The following PAPPA variants were observed in gnomAD, a reference collection of about 807,000 sequenced individuals.
PAPPA encodes pappalysin-1.
A neutral mutation model predicts 164.0 loss-of-function variants in PAPPA; 60 were observed. The observed-to-expected ratio is 0.37, with a 90% confidence interval of 0.30 to 0.45. The LOEUF (loss-of-function observed/expected upper bound fraction) is 0.45, where lower values mean the gene tolerates loss of function less well. PAPPA is among the 20% of genes least tolerant of loss of function. The pLI, the probability that PAPPA is intolerant of heterozygous loss-of-function variation, is 1.00. For missense variants in PAPPA, 1,782 were observed against 2,087.3 expected, an observed-to-expected ratio of 0.85 and a Z score of 2.85; for synonymous variants, 875 against 814.1, an observed-to-expected ratio of 1.07 and a Z score of -1.27.
At position 116,173,882 on chromosome 9, in the gene PAPPA, CT is replaced by C. The variant is rs934261390; in HGVS notation, c.416-13269del. 1.6e-4 allele frequency among the ~76,000 whole-genome samples: 24 copies of C among 152,324 alleles called. 1 individual carries two copies. The South Asian group carries it at 3.3e-3, about 21-fold the overall frequency. On this transcript the variant is annotated intron_variant, in intron 1 of 21. Coordinates refer to ENST00000328252, the MANE Select transcript of PAPPA (RefSeq NM_002581.5). The stretch of plus-strand genomic sequence containing the variant: ...CTACTATAGAACTCGCTTTATTACT[CT>C]TTATTTATCATTAAAAGCAGCCCCT...
intron 12 of PAPPA, among the ~76,000 whole-genome samples, chr9:116,334,249 A>C (rs939316644): frequency 4.0e-5 from 6 of 150,974 alleles, no homozygotes; most frequent in Non-Finnish European, 5.9e-5. Context: ...AAAAAAAAAA[A>C]AAAAAAAAAA....
rs1252333308 is a variant in PAPPA, at chr9:116,241,755, T to C, written c.2732+6118T>C. 2.6e-5 allele frequency among the ~76,000 whole-genome samples: 4 copies of C among 152,298 alleles called. No homozygotes were observed. The East Asian group carries it at 7.7e-4, about 29-fold the overall frequency. ...GTTATAACATTGATATGTAATGTCATATTAAGCCTCAGAGGATTTGGAAAG... is the reference window on the plus strand; with the variant it reads ...GTTATAACATTGATATGTAATGTCACATTAAGCCTCAGAGGATTTGGAAAG... On this transcript the variant is annotated intron_variant, in intron 7 of 21. Coordinates refer to ENST00000328252, the MANE Select transcript of PAPPA (RefSeq NM_002581.5).
chr9:116,189,339 A>G (rs1457503650), intron 2 of PAPPA, among the ~76,000 whole-genome samples: 2 of 152,238 alleles, frequency 1.3e-5, no homozygotes, highest in African/African-American at 2.4e-5. Context: ...TTATTTCACT[A>G]TAATAAACTG....
chr9:116,308,957 T>C (rs1171381245), intron 10 of PAPPA, among the ~76,000 whole-genome samples: 7 of 152,280 alleles, frequency 4.6e-5, no homozygotes, highest in African/African-American at 1.7e-4. Context: ...AAATAATAAA[T>C]GCACAAATAG....
chr9:116,205,154 C>T (rs1468576768), intron 2 of PAPPA, among the ~76,000 whole-genome samples: 1 of 151,706 alleles, frequency 6.6e-6, no homozygotes, highest in Admixed American at 6.6e-5. Context: ...TGGAGTCTTC[C>T]CCCTTAGGGA....
chr9:116,270,914 G>A (rs1845128419), intron 8 of PAPPA, among the ~76,000 whole-genome samples: 1 of 152,096 alleles, frequency 6.6e-6, no homozygotes, highest in South Asian at 2.1e-4. Context: ...GAGTGGTGAA[G>A]GACCAGAATC....
intron 7 of PAPPA, among the ~76,000 whole-genome samples, chr9:116,257,800 A>T: frequency 6.6e-6 from 1 of 152,024 alleles, no homozygotes; most frequent in East Asian, 1.9e-4. Flanking sequence ...AAGAATCAAC[A>T]ATTACTAGAA....
At chr9:116,264,606 A>G (rs1416745172) in intron 7 of PAPPA, among the ~76,000 whole-genome samples, 1 of 152,220 alleles carries the variant, frequency 6.6e-6, no homozygotes, top group Non-Finnish European at 1.5e-5. Flanking sequence ...AAGTCCTAAC[A>G]GCAGCTGAAA....
At chr9:116,258,437 G>A (rs1443458943) in intron 7 of PAPPA, among the ~76,000 whole-genome samples, 1 of 151,898 alleles carries the variant, frequency 6.6e-6, no homozygotes, top group African/African-American at 2.4e-5. Flanking sequence ...CAGGCAGATC[G>A]CCTGAGGTTG....
At chr9:116,394,110 A>C (rs1038400403) in intron 21 of PAPPA, among the ~76,000 whole-genome samples, 2 of 152,208 alleles carry the variant, frequency 1.3e-5, no homozygotes, top group African/African-American at 4.8e-5. Flanking sequence ...TGCTAATGAT[A>C]GAATGAGAGC....
chr9:116,324,848 C>T (rs79180609), intron 10 of PAPPA, among the ~76,000 whole-genome samples: 166 of 152,176 alleles, frequency 1.1e-3, no homozygotes, highest in African/African-American at 3.9e-3. Context: ...GTATAGATGC[C>T]AGGGAAGGGA....
chr9:116,314,250 T>C (rs1845759921), intron 10 of PAPPA, among the ~76,000 whole-genome samples: 2 of 151,616 alleles, frequency 1.3e-5, no homozygotes, highest in Non-Finnish European at 2.9e-5. Context: ...TTTGTATTTT[T>C]AGTAGAGACA....
chr9:116,398,801 T>A lies in PAPPA; in HGVS notation c.*2185T>A. 2.5e-6 allele frequency: 1 copy of A among 405,680 alleles called. No homozygotes were observed. The highest frequency in any genetic ancestry group is 4.9e-6 in the Non-Finnish European group (1 of 203,908). 25.1% of individuals were successfully genotyped at this position (405,680 alleles called of 1,614,324 possible). A position where few individuals can be genotyped will look rare whatever the true frequency, so the allele number is the denominator to read the frequency against. On this transcript the variant is annotated 3_prime_UTR_variant, in exon 22 of 22. Transcript: ENST00000328252. Reference sequence around the variant, plus strand: ...CCATATCTCATTTATATCCAGACCATTACTTCACTATAATTACAAGGACAA... The same window carrying A: ...CCATATCTCATTTATATCCAGACCAATACTTCACTATAATTACAAGGACAA...
intron 10 of PAPPA, among the ~76,000 whole-genome samples, chr9:116,312,472 A>G (rs1175546113): frequency 6.6e-6 from 1 of 151,948 alleles, no homozygotes; most frequent in African/African-American, 2.4e-5. Flanking sequence ...GAGCTTGCTG[A>G]GCCTGCTGCT....
intron 1 of PAPPA, among the ~76,000 whole-genome samples, chr9:116,186,654 C>T (rs1224120142): frequency 2.0e-5 from 3 of 152,116 alleles, no homozygotes; most frequent in Non-Finnish European, 4.4e-5. Context: ...TAGGGACCTC[C>T]CTTCTAAATG....
intron 7 of PAPPA, among the ~76,000 whole-genome samples, chr9:116,258,814 C>T (rs1844966802): frequency 6.6e-6 from 1 of 152,032 alleles, no homozygotes; most frequent in African/African-American, 2.4e-5. Flanking sequence ...GGGGGAAAAA[C>T]AATCCTTATT....
intron 9 of PAPPA, among the ~76,000 whole-genome samples, chr9:116,276,463 G>C (rs1284491447): frequency 6.6e-6 from 1 of 152,118 alleles, no homozygotes; most frequent in Non-Finnish European, 1.5e-5. Flanking sequence ...GAGGCCTCCT[G>C]GCTGCAGCTT....
intron 1 of PAPPA, among the ~76,000 whole-genome samples, chr9:116,156,236 T>A (rs945918895): frequency 2.0e-4 from 30 of 149,840 alleles, no homozygotes; most frequent in African/African-American, 7.4e-4. Context: ...GAAAGGGTAG[T>A]GAATGCATTT....
intron 10 of PAPPA, among the ~76,000 whole-genome samples, chr9:116,323,812 C>T (rs1010235348): frequency 6.6e-6 from 1 of 152,206 alleles, no homozygotes; most frequent in Non-Finnish European, 1.5e-5. Flanking sequence ...AGCTGGAAAT[C>T]AAAAGCTGGC....
Sources: gnomAD v4.1 joint callset for allele counts (sites outside exome capture counted in the v4.1 genomes callset) on GRCh38, gnomAD v4.1.1 for gene constraint, MANE v1.5 for transcripts, NCBI Gene and HGNC (gene_info 2026-07-23, HGNC 2026-07-21) for gene names.